Variants in SLIT3 observed in about 807,000 individuals in gnomAD.
SLIT3 encodes slit homolog 3 protein.
In SLIT3, 68 loss-of-function variants were observed where a neutral mutation model predicts 184.0. The observed-to-expected ratio is 0.37, with a 90% CI of 0.30 to 0.45. The LOEUF (loss-of-function observed/expected upper bound fraction) is 0.45. Ranked by LOEUF, SLIT3 falls within the 20% of genes least tolerant of loss-of-function variation. The probability of loss-of-function intolerance (pLI) is 1.00; values close to 1 mark genes in which losing one functional copy is unlikely to be tolerated. For synonymous variants in SLIT3, 831 were observed against 828.6 expected, an observed-to-expected ratio of 1.00 and a Z score of -0.05; for missense variants, 1,707 against 2,026.0, an observed-to-expected ratio of 0.84 and a Z score of 3.02.
At chr5:169,203,611 C>A (rs1345591) in intron 3 of SLIT3, among the ~76,000 whole-genome samples, 1 of 152,052 alleles carries the variant, frequency 6.6e-6, no homozygotes, top group Admixed American at 6.6e-5. Flanking sequence ...CAGCTTTCCC[C>A]GGATCAGAGT....
chr5:168,989,684 T>A (rs1755251360), intron 4 of SLIT3, among the ~76,000 whole-genome samples: 2 of 152,040 alleles, frequency 1.3e-5, no homozygotes, highest in African/African-American at 4.8e-5. Flanking sequence ...CCCAGGAAAG[T>A]AATTGGTAGT....
chr5:169,289,875 G>T (rs1233883402), intron 1 of SLIT3, among the ~76,000 whole-genome samples: 1 of 152,196 alleles, frequency 6.6e-6, no homozygotes, highest in East Asian at 1.9e-4. Flanking sequence ...CTGAGTTAGG[G>T]CATTCACTAG....
intron 4 of SLIT3, among the ~76,000 whole-genome samples, chr5:169,147,492 C>T (rs894235173): frequency 1.3e-5 from 2 of 152,190 alleles, no homozygotes; most frequent in Non-Finnish European, 2.9e-5. Flanking sequence ...ATCTCCTGAC[C>T]TCATGATCTG....
chr5:169,243,638 C>A (rs1765480036), intron 3 of SLIT3, among the ~76,000 whole-genome samples: 2 of 152,186 alleles, frequency 1.3e-5, no homozygotes, highest in South Asian at 4.1e-4. Flanking sequence ...GATAAATTGA[C>A]TCCAGGGGAA....
At chr5:168,925,327 G>C (rs1761781298) in intron 4 of SLIT3, among the ~76,000 whole-genome samples, 1 of 152,182 alleles carries the variant, frequency 6.6e-6, no homozygotes, top group Admixed American at 6.6e-5. Flanking sequence ...AGCTGGGGAA[G>C]TGGGAAGCAG....
chr5:168,870,974 G>A (rs1457025539), intron 5 of SLIT3, among the ~76,000 whole-genome samples: 5 of 152,154 alleles, frequency 3.3e-5, no homozygotes, highest in Non-Finnish European at 4.4e-5. Flanking sequence ...CTGCTATAAC[G>A]AATTACCACA....
intron 4 of SLIT3, among the ~76,000 whole-genome samples, chr5:168,950,577 G>A (rs564049780): frequency 3.3e-5 from 5 of 152,324 alleles, no homozygotes; most frequent in African/African-American, 1.2e-4. Context: ...ACTCTGTTTC[G>A]ATAAAACTTT....
chr5:169,156,594 T>C (rs904156693), intron 4 of SLIT3, among the ~76,000 whole-genome samples: 3 of 152,184 alleles, frequency 2.0e-5, no homozygotes, highest in Non-Finnish European at 4.4e-5. Context: ...ACATTACTGA[T>C]GGGCACCAGG....
intron 4 of SLIT3, among the ~76,000 whole-genome samples, chr5:168,912,759 T>C (rs1761293436): frequency 6.6e-6 from 1 of 152,152 alleles, no homozygotes. Flanking sequence ...CCTCCACAAG[T>C]GGCCAGGCTG....
intron 23 of SLIT3, among the ~76,000 whole-genome samples, chr5:168,716,936 C>G (rs1328060326): frequency 2.7e-5 from 4 of 146,268 alleles, no homozygotes; most frequent in African/African-American, 1.1e-4. Context: ...AGCAGCATCT[C>G]TTCCCACTCC....
At chr5:168,773,040 C>T in intron 13 of SLIT3, 96 bp from the exon 14 acceptor site, 2 of 1,281,852 alleles carry the variant, frequency 1.6e-6, no homozygotes, top group Non-Finnish European at 2.1e-6. Flanking sequence ...CAATCCACTG[C>T]AAGGACTGGC....
intron 12 of SLIT3, among the ~76,000 whole-genome samples, chr5:168,780,454 C>A (rs1755930451): frequency 6.6e-6 from 1 of 152,364 alleles, no homozygotes; most frequent in South Asian, 2.1e-4. Flanking sequence ...TGCAGATATA[C>A]AACAGGAGAA....
chr5:168,886,213 C>T (rs758889515), intron 4 of SLIT3, among the ~76,000 whole-genome samples: 12 of 152,172 alleles, frequency 7.9e-5, no homozygotes, highest in Non-Finnish European at 1.8e-4. Context: ...ATACTGCTGC[C>T]ATCCATCTGC....
At chr5:168,928,938 T>C (rs1169978409) in intron 4 of SLIT3, among the ~76,000 whole-genome samples, 3 of 152,222 alleles carry the variant, frequency 2.0e-5, no homozygotes, top group African/African-American at 7.2e-5. Flanking sequence ...CGTAAGACTC[T>C]TCCCATTAGG....
At chr5:168,896,034 G>A (rs1429661940) in intron 4 of SLIT3, among the ~76,000 whole-genome samples, 4 of 152,214 alleles carry the variant, frequency 2.6e-5, no homozygotes, top group Non-Finnish European at 5.9e-5. Flanking sequence ...CTCCAAGGTA[G>A]GAGGCAGGGG....
chr5:168,666,132 ATTTT>A lies in SLIT3; in HGVS notation c.*318_*321del, dbSNP rs200161330. The stretch of plus-strand genomic sequence containing the variant: ...TGTTTTAAAGCATTTTTATTAGTCT[ATTTT>A]TTTCTTAAATTTTTAAACAGCTATT... On this transcript the variant is annotated 3_prime_UTR_variant, in exon 36 of 36. Coordinates refer to ENST00000519560, the MANE Select transcript of SLIT3 (RefSeq NM_003062.4). The A allele has an allele frequency of 1.0e-5, 2 of 193,178 alleles. No individual in the cohort carries two copies. The highest frequency in any genetic ancestry group is 2.1e-5 in the Non-Finnish European group (2 of 96,644). 12.0% of individuals were successfully genotyped at this position (193,178 alleles called of 1,614,324 possible). A position where few individuals can be genotyped will look rare whatever the true frequency, so the allele number is the denominator to read the frequency against.
At chr5:169,216,322 C>G (rs1397604906) in intron 3 of SLIT3, among the ~76,000 whole-genome samples, 1 of 152,238 alleles carries the variant, frequency 6.6e-6, no homozygotes, top group East Asian at 1.9e-4. Flanking sequence ...CATCTCTGCT[C>G]TGGGCCCCAG....
intron 3 of SLIT3, among the ~76,000 whole-genome samples, chr5:169,211,217 G>A (rs184767817): frequency 2.5e-4 from 38 of 152,090 alleles, no homozygotes; most frequent in Non-Finnish European, 4.3e-4. Context: ...TTTGTAAGCC[G>A]CTGAGATTCT....
At chr5:168,726,408 GAGGC>G (rs1211499405) in intron 20 of SLIT3, among the ~76,000 whole-genome samples, 1 of 43,686 alleles carries the variant, frequency 2.3e-5, no homozygotes, top group Non-Finnish European at 4.7e-5. Context: ...GGGAGGCAGG[GAGGC>G]AGAGGGAGGC....
Sources: allele counts gnomAD v4.1 joint callset (sites outside exome capture counted in the v4.1 genomes callset), GRCh38; gene constraint gnomAD v4.1.1; transcripts MANE v1.5; gene names NCBI Gene and HGNC (gene_info 2026-07-23, HGNC 2026-07-21).